Variants in GATAD1 observed in about 807,000 individuals in gnomAD.
GATAD1 encodes the protein GATA zinc finger domain containing 1.
A neutral mutation model predicts 26.5 loss-of-function variants in GATAD1; 12 were observed. The ratio of observed to expected loss-of-function variants is 0.45; its 90% CI spans 0.29 to 0.73. The LOEUF is 0.73. Ranked by LOEUF, GATAD1 falls within the 30% of genes least tolerant of loss-of-function variation. The pLI, the probability that GATAD1 is intolerant of heterozygous loss-of-function variation, is 0.10. For synonymous variants in GATAD1, 129 were observed against 133.1 expected, an observed-to-expected ratio of 0.97 and a Z score of 0.21; for missense variants, 266 against 342.1, an observed-to-expected ratio of 0.78 and a Z score of 1.75.
chr7:92,493,635 T>C, the GATAD1 span: 1 of 153,976 alleles, frequency 6.5e-6, no homozygotes, highest in Admixed American at 6.5e-5. Context: ...TGAGACCTTG[T>C]CTGAAAAACA....
chr7:92,481,232 A>G, the GATAD1 span, among the ~76,000 whole-genome samples: 1 of 152,236 alleles, frequency 6.6e-6, no homozygotes, highest in East Asian at 1.9e-4. Flanking sequence ...CAGGTAGATC[A>G]GAGACATACA....
chr7:92,477,122 G>A, the GATAD1 span, among the ~76,000 whole-genome samples: 1 of 152,268 alleles, frequency 6.6e-6, no homozygotes, highest in South Asian at 2.1e-4. Context: ...AGTTCAGGAC[G>A]ACAGCTTTCT....
chr7:92,453,165 G>A (rs914341662), intron 3 of GATAD1, among the ~76,000 whole-genome samples: 1 of 152,208 alleles, frequency 6.6e-6, no homozygotes, highest in Admixed American at 6.5e-5. Context: ...GTTACTGGAA[G>A]TATTTCCTCA....
At chr7:92,465,047 T>G (rs1251243343), downstream of GATAD1, 1 of 152,252 alleles carries the variant, frequency 6.6e-6, no homozygotes, top group African/African-American at 2.4e-5. Context: ...AGATTCATAT[T>G]CTTTGTAGAT....
At chr7:92,493,909 AATT>A in the GATAD1 span, 4 of 253,146 alleles carry the variant, frequency 1.6e-5, no homozygotes, top group African/African-American at 9.1e-5. Flanking sequence ...AGAGTTGAAA[AATT>A]ATCTCTATGA....
chr7:92,454,648 C>G lies in GATAD1; in HGVS notation c.582C>G (p.Ser194Arg), dbSNP rs769038754. Residue 194 changes from serine to arginine, a missense_variant, in exon 4 of 5, where the codon AGC (serine) becomes AGG (arginine). By Grantham distance (110) the Ser-to-Arg change is moderately radical. Coordinates refer to ENST00000287957, the MANE Select transcript of GATAD1 (RefSeq NM_021167.5). ...CGTGGCTCATTCCTACCCTCTCTAG[C>G]CCCAGAGACCAATTTGATCCCGCCT... Reference protein sequence around the residue: ...ALTWLIPTLSSPRDQFDPASY... With the variant: ...ALTWLIPTLSRPRDQFDPASY... 1 of 1,604,046 alleles carries G rather than the reference C, an allele frequency of 6.2e-7. No individual in the cohort carries two copies. Among genetic ancestry groups the G allele is most frequent in the South Asian group, 1.1e-5 (1 of 88,414 alleles).
At chr7:92,483,681 A>G in the GATAD1 span, among the ~76,000 whole-genome samples, 4 of 152,216 alleles carry the variant, frequency 2.6e-5, no homozygotes, top group African/African-American at 9.7e-5. Context: ...AAGAAAAAGG[A>G]GCATTAACCT....
intron 4 of GATAD1, 142 bp downstream of exon 4, chr7:92,454,827 A>C (rs952429983): frequency 1.9e-5 from 11 of 590,258 alleles, no homozygotes; most frequent in Admixed American, 3.6e-5. Flanking sequence ...TCACTTTCTC[A>C]CAGTTGTGGA....
intron 2 of GATAD1, chr7:92,449,251 A>G (rs774410242): frequency 1.1e-3 from 913 of 821,792 alleles, no homozygotes; most frequent in Non-Finnish European, 1.3e-3. Context: ...TTCTTTAAAA[A>G]TCTAAGTAAA....
the GATAD1 span, chr7:92,489,733 C>T: frequency 1.9e-6 from 3 of 1,614,072 alleles, no homozygotes; most frequent in South Asian, 2.2e-5. Flanking sequence ...GCTCCGGTAT[C>T]TGCCTTTGAT....
chr7:92,469,903 G>A, the GATAD1 span: 9 of 778,658 alleles, frequency 1.2e-5, no homozygotes, highest in Non-Finnish European at 1.9e-5. Flanking sequence ...GCGAGTATGG[G>A]TACGGAGGGT....
Position 92,447,638 on chromosome 7 carries a change from G to T in GATAD1, c.-92G>T. Reference sequence around the variant, plus strand: ...CGACGCTCTCACCGCTCTTCCTATCGCCGGGAGTGGCGGGCCGACCAGGGG... The same window carrying T: ...CGACGCTCTCACCGCTCTTCCTATCTCCGGGAGTGGCGGGCCGACCAGGGG... On this transcript the variant is annotated 5_prime_UTR_variant, in exon 1 of 5. Coordinates refer to ENST00000287957, the MANE Select transcript of GATAD1 (RefSeq NM_021167.5). 7.6e-7 allele frequency: 1 copy of T among 1,314,908 alleles called. No individual in the cohort carries two copies. The highest frequency in any genetic ancestry group is 9.7e-7 in the Non-Finnish European group (1 of 1,026,624). 81.5% of individuals were successfully genotyped at this position (1,314,908 alleles called of 1,614,324 possible). A position where few individuals can be genotyped will look rare whatever the true frequency, so the allele number is the denominator to read the frequency against.
the GATAD1 span, chr7:92,469,939 C>G: frequency 1.3e-6 from 1 of 777,936 alleles, no homozygotes; most frequent in African/African-American, 1.7e-5. Context: ...GAGATCTAGT[C>G]CTTTGTAGGG....
At chr7:92,462,108 A>G (rs1789941070), downstream of GATAD1, among the ~76,000 whole-genome samples, 1 of 152,212 alleles carries the variant, frequency 6.6e-6, no homozygotes, top group Non-Finnish European at 1.5e-5. Flanking sequence ...TTTCATTTCT[A>G]AGAATCCATG....
the GATAD1 span, chr7:92,471,208 C>T: frequency 1.4e-4 from 24 of 167,036 alleles, no homozygotes; most frequent in Non-Finnish European, 3.4e-4. Flanking sequence ...TACTGAAATC[C>T]CTGAGGTTTG....
chr7:92,474,996 C>CAG, the GATAD1 span: 8 of 151,918 alleles, frequency 5.3e-5, no homozygotes, highest in African/African-American at 1.9e-4. Context: ...GGGAAGGAGT[C>CAG]GGGGATGCTG....
chr7:92,450,878 C>G, intron 3 of GATAD1, 118 bp downstream of exon 3: 1 of 624,056 alleles, frequency 1.6e-6, no homozygotes, highest in Non-Finnish European at 2.9e-6. Context: ...TGTGATTATA[C>G]TTTTTGTTCC....
chr7:92,468,472 G>A, the GATAD1 span: 44 of 234,356 alleles, frequency 1.9e-4, no homozygotes, highest in Middle Eastern at 1.5e-3. Context: ...TTGCCGGCTC[G>A]AAGACTTGGG....
At chr7:92,481,007 G>A in the GATAD1 span, among the ~76,000 whole-genome samples, 41 of 152,334 alleles carry the variant, frequency 2.7e-4, no homozygotes, top group African/African-American at 9.1e-4. Flanking sequence ...CTTTGCAAGA[G>A]TGAAGGCCCG....
Sources: allele counts gnomAD v4.1 joint callset (sites outside exome capture counted in the v4.1 genomes callset), GRCh38; gene constraint gnomAD v4.1.1; transcripts MANE v1.5; gene names NCBI Gene and HGNC (gene_info 2026-07-23, HGNC 2026-07-21).